The following ERCC1 variants were observed in gnomAD, a reference collection of about 807,000 sequenced individuals.
The protein encoded by ERCC1 is DNA excision repair protein ERCC-1.
In ERCC1, 36 loss-of-function variants were observed where a neutral mutation model predicts 37.6. The ratio of observed to expected loss-of-function variants is 0.96; its 90% CI spans 0.73 to 1.26. The LOEUF (loss-of-function observed/expected upper bound fraction) is 1.26. Ranked by LOEUF, ERCC1 falls within the 50% of genes most tolerant of loss-of-function variation. ERCC1 has a pLI of 0.00. For missense variants in ERCC1, 349 were observed against 376.5 expected, an observed-to-expected ratio of 0.93 and a Z score of 0.60; for synonymous variants, 156 against 162.1, an observed-to-expected ratio of 0.96 and a Z score of 0.28.
At chr19:45,413,334 A>G (rs201394179) in intron 9 of ERCC1, 1 of 568,030 alleles carries the variant, frequency 1.8e-6, no homozygotes, top group African/African-American at 1.9e-5. Flanking sequence ...TAACATGCTT[A>G]TAGCTCACTG....
In ERCC1 at chr19:45,413,718, T is replaced by C; in HGVS notation, c.802A>G (p.Arg268Gly). The C allele has an allele frequency of 6.2e-7, 1 of 1,613,962 alleles. No individual in the cohort carries two copies. The highest frequency in any genetic ancestry group is 8.5e-7 in the Non-Finnish European group (1 of 1,180,040). The change falls in exon 9 of 10, where the codon AGA becomes GGA. Residue 268 changes from arginine (R) to glycine (G), a missense_variant. By Grantham distance (125) the Arg-to-Gly change is moderately radical. Coordinates refer to ENST00000300853, the MANE Select transcript of ERCC1 (RefSeq NM_001983.4). ...GSLEQLIAASREDLALCPGLG... is the reference protein window; with the variant it reads ...GSLEQLIAASGEDLALCPGLG... ...CCTGGGCATAAGGCCAGATCTTCTC[T>C]TGATGCGGCGATGAGCTGTTCCAGA... is the stretch of plus-strand genomic sequence containing the variant.
intron 1 of ERCC1, among the ~76,000 whole-genome samples, chr19:45,432,693 C>T (rs1377326244): frequency 6.6e-6 from 1 of 152,188 alleles, no homozygotes; most frequent in Admixed American, 6.6e-5. Flanking sequence ...AGGTGCATGC[C>T]ACCACTCCTG....
At chr19:45,442,384 T>C (rs950986075) in intron 1 of ERCC1, among the ~76,000 whole-genome samples, 3 of 151,776 alleles carry the variant, frequency 2.0e-5, no homozygotes, top group Non-Finnish European at 2.9e-5. Flanking sequence ...GAAAAGTAAA[T>C]TTCCCTCCCA....
rs181347030 is a variant in ERCC1 at position 45,419,905 on chromosome 19, C to T, written c.425+419G>A. Among the ~76,000 whole-genome samples the T allele has an allele frequency of 2.0e-3, 286 of 145,748 alleles. 2 individuals carry two copies. Among genetic ancestry groups the T allele is most frequent in the African/African-American group, 7.0e-3 (270 of 38,698 alleles). On this transcript the variant is annotated intron_variant, in intron 4 of 9. Coordinates refer to ENST00000300853, the MANE Select transcript of ERCC1 (RefSeq NM_001983.4). The stretch of plus-strand genomic sequence containing the variant: ...CCCTCCTCCCTTAGACCCAGGAGTC[C>T]AGGCCCCCAGCCCCTCCTCCCTGAG...
At chr19:45,412,220 G>A (rs1973786687) in intron 9 of ERCC1, among the ~76,000 whole-genome samples, 1 of 151,086 alleles carries the variant, frequency 6.6e-6, no homozygotes, top group Non-Finnish European at 1.5e-5. Context: ...GGGCAGTGGT[G>A]TGATTTCAGC....
rs764460395 is a variant in ERCC1, at chr19:45,408,861, G to A, written c.*814C>T. The A allele has an allele frequency of 2.5e-6, 4 of 1,614,170 alleles. No homozygotes were observed. In the South Asian group the frequency reaches 4.4e-5, roughly 18 times the overall value. The stretch of plus-strand genomic sequence containing the variant: ...AGAAAGAGGCAAAAGGGGACGGAAG[G>A]GATGGAGCCAGAGGAGGGGGTGACA... On this transcript the variant is annotated 3_prime_UTR_variant, in exon 10 of 10. Transcript: ENST00000300853.
At chr19:45,419,838 G>C (rs891886990) in intron 4 of ERCC1, among the ~76,000 whole-genome samples, 4 of 151,536 alleles carry the variant, frequency 2.6e-5, no homozygotes, top group Non-Finnish European at 5.9e-5. Flanking sequence ...AGGAGTCTGG[G>C]CCCAGCCCCT....
At chr19:45,422,701 G>C (rs1317893700) in intron 2 of ERCC1, among the ~76,000 whole-genome samples, 1 of 152,116 alleles carries the variant, frequency 6.6e-6, no homozygotes, top group Non-Finnish European at 1.5e-5. Context: ...AGGTTGCAGT[G>C]AGCCGAGATG....
intron 4 of ERCC1, 162 bp from the exon 5 acceptor site, chr19:45,419,359 CAAG>C (rs1228492117): frequency 3.1e-6 from 2 of 643,116 alleles, no homozygotes; most frequent in Non-Finnish European, 5.7e-6. Flanking sequence ...GTCACTCTTC[CAAG>C]AAGATGCTCC....
chr19:45,428,205 T>TACC (rs1414756758), upstream of ERCC1, among the ~76,000 whole-genome samples: 8 of 144,346 alleles, frequency 5.5e-5, no homozygotes, highest in African/African-American at 1.8e-4. Flanking sequence ...CACATCAGCT[T>TACC]ACCGAGTAGC....
rs1395553478 is a variant in ERCC1, at chr19:45,421,411, G to T, written c.106-18C>A. ...GGCTTGGCCTGTGGGGAGAAAGGGA[G>T]TTTGCAGGGGACTGGTTGGGGTGAG... On this transcript the variant is annotated intron_variant, in intron 2 of 9. Coordinates refer to ENST00000300853, the MANE Select transcript of ERCC1 (RefSeq NM_001983.4). The T allele has an allele frequency of 1.3e-6, 2 of 1,575,646 alleles. No individual in the cohort carries two copies. The highest frequency in any genetic ancestry group is 1.3e-5 in the African/African-American group (1 of 74,124).
At chr19:45,412,798 G>A (rs1292860900) in intron 9 of ERCC1, among the ~76,000 whole-genome samples, 2 of 151,024 alleles carry the variant, frequency 1.3e-5, no homozygotes, top group East Asian at 2.0e-4. Context: ...GGAGTGCAAT[G>A]GCGCTATCTT....
chr19:45,412,019 G>T (rs1187809198), intron 9 of ERCC1, among the ~76,000 whole-genome samples: 2 of 149,726 alleles, frequency 1.3e-5, no homozygotes, highest in African/African-American at 4.9e-5. Context: ...ACCACACCCA[G>T]CTAATTTTTT....
intron 1 of ERCC1, among the ~76,000 whole-genome samples, chr19:45,438,893 G>C (rs1474302562): frequency 6.6e-6 from 1 of 152,032 alleles, no homozygotes; most frequent in East Asian, 1.9e-4. Flanking sequence ...CGCCCCACTC[G>C]GCCTCCCGAA....
intron 1 of ERCC1, among the ~76,000 whole-genome samples, chr19:45,434,080 GT>G (rs1393874035): frequency 2.0e-5 from 3 of 147,838 alleles, no homozygotes; most frequent in Non-Finnish European, 4.4e-5. Flanking sequence ...AGAGGCAGAG[GT>G]TGCAGTGAGC....
Position 45,421,378 on chromosome 19 carries a change from G to C in ERCC1, c.121C>G (p.Arg41Gly). The change falls in exon 3 of 10, where the codon CGA becomes GGA. Residue 41 changes from arginine (R) to glycine (G), a missense_variant. Transcript: ENST00000300853. ...VPPGVAKPLFRSTQSLPTVDT... is the reference protein window; with the variant it reads ...VPPGVAKPLFGSTQSLPTVDT... ...ACAGTGGGAAGGCTCTGTGTAGATC[G>C]GAATAAGGGCTTGGCCTGTGGGGAG... The C allele has an allele frequency of 1.3e-6, 2 of 1,572,510 alleles. No homozygotes were observed. Among genetic ancestry groups the C allele is most frequent in the Non-Finnish European group, 1.7e-6 (2 of 1,160,326 alleles).
At chr19:45,416,975 T>A in intron 5 of ERCC1, 78 bp from the exon 6 acceptor site, 1 of 1,007,110 alleles carries the variant, frequency 9.9e-7, no homozygotes, top group Non-Finnish European at 1.6e-6. Context: ...CAGGTGCCTG[T>A]AATCCCAGCT....
chr19:45,415,733 C>T (rs574451558), intron 6 of ERCC1: 214 of 455,424 alleles, frequency 4.7e-4, no homozygotes, highest in Non-Finnish European at 6.3e-4. Context: ...CACTGCTGGG[C>T]GCATCTTGAT....
In ERCC1 at chr19:45,421,316, G is replaced by A. The variant is rs139648033; in HGVS notation, c.183C>T (p.Ala61=). Residue 61 remains alanine (A), a synonymous_variant, in exon 3 of 10, where the codon GCC becomes GCT. Transcript: ENST00000300853. ...CCAGAGGCTGTGAGATGGCATATTCGGCGTAGGTCTGAGGGGCCGCCTGGG... is the reference window on the plus strand; with the variant it reads ...CCAGAGGCTGTGAGATGGCATATTCAGCGTAGGTCTGAGGGGCCGCCTGGG... ...TSAQAAPQTY[A]EYAISQPLEG... is the part of the protein sequence containing the mutation. 2.4e-4 allele frequency: 390 copies of A among 1,614,102 alleles called. No homozygotes were observed. The highest frequency in any genetic ancestry group is 5.5e-4 in the African/African-American group (41 of 75,050).
Sources: gnomAD v4.1 joint callset for allele counts (sites outside exome capture counted in the v4.1 genomes callset) on GRCh38, gnomAD v4.1.1 for gene constraint, MANE v1.5 for transcripts, NCBI Gene and HGNC (gene_info 2026-07-23, HGNC 2026-07-21) for gene names.